The following DMWD variants were observed in gnomAD, a reference collection of about 807,000 sequenced individuals.
DMWD encodes the protein dystrophia myotonica WD repeat-containing protein.
DMWD carries 19 observed loss-of-function variants against 45.8 expected under a neutral mutation model. The observed-to-expected ratio is 0.41, with a 90% CI of 0.29 to 0.61. The LOEUF (loss-of-function observed/expected upper bound fraction) is 0.61. Among genes scored for constraint, DMWD ranks in the 20% least tolerant of loss-of-function variants. The pLI is 0.25. For synonymous variants in DMWD, 515 were observed against 440.5 expected, an observed-to-expected ratio of 1.17 and a Z score of -2.12; for missense variants, 802 against 965.2, an observed-to-expected ratio of 0.83 and a Z score of 2.24.
intron 2 of DMWD, among the ~76,000 whole-genome samples, chr19:45,788,672 T>C (rs902118002): frequency 6.6e-6 from 1 of 152,184 alleles, no homozygotes; most frequent in East Asian, 1.9e-4. Flanking sequence ...CTCACGCCTA[T>C]AATCCCAGCG....
At chr19:45,790,430 G>A (rs1970341580) in intron 2 of DMWD, 1 of 151,384 alleles carries the variant, frequency 6.6e-6, no homozygotes, top group South Asian at 2.1e-4. Flanking sequence ...GAGGTGGGCA[G>A]ATCACGAGGT....
intron 3 of DMWD, 26 bp downstream of exon 3, chr19:45,785,568 C>A: frequency 1.4e-6 from 2 of 1,451,260 alleles, no homozygotes; most frequent in South Asian, 1.5e-5. Flanking sequence ...GCCAGGTCCC[C>A]GGCAGGCTGG....
At position 45,792,726 on chromosome 19, in the gene DMWD, C is replaced by A; in HGVS notation, c.31G>T (p.Gly11Cys). Residue 11 changes from glycine to cysteine, a missense_variant, in exon 1 of 5, where the codon GGC becomes TGC. Physicochemically the swap from Gly to Cys is radical, Grantham distance 159. Coordinates refer to ENST00000270223, the MANE Select transcript of DMWD (RefSeq NM_004943.2). MAAGGAEGGS[G>C]PGAAMGDCAE... ...CAGTCCCCCATGGCGGCGCCGGGGCCCGAGCCGCCCTCCGCGCCGCCCGCC... is the reference window on the plus strand; with the variant it reads ...CAGTCCCCCATGGCGGCGCCGGGGCACGAGCCGCCCTCCGCGCCGCCCGCC... 1 of 1,175,726 alleles carries A rather than the reference C, an allele frequency of 8.5e-7. No individual in the cohort carries two copies. Among genetic ancestry groups the A allele is most frequent in the Non-Finnish European group, 1.1e-6 (1 of 944,214 alleles). The allele number at this position is 1,175,726 out of a possible 1,614,324, so 72.8% of individuals were successfully genotyped here.
At position 45,785,749 on chromosome 19, in the gene DMWD, G is replaced by A. The variant is rs1046884577; in HGVS notation, c.1747C>T (p.Leu583=). ...GGCACCTCGTGGATGCGCGGGCACA[G>A]CGCAGTGCCCAGCACCTTGGCGGGG... ...LDPAKVLGTA[L]CPRIHEVPLL... is the part of the protein sequence containing the mutation. Residue 583 remains leucine, a synonymous_variant, in exon 3 of 5, where the codon CTG becomes TTG. Coordinates refer to ENST00000270223, the MANE Select transcript of DMWD (RefSeq NM_004943.2). 2.5e-6 allele frequency: 4 copies of A among 1,610,602 alleles called. No individual in the cohort carries two copies. Among genetic ancestry groups the A allele is most frequent in the Non-Finnish European group, 3.4e-6 (4 of 1,178,430 alleles).
In DMWD at chr19:45,785,846, G is replaced by A. The variant is rs1970264422; in HGVS notation, c.1650C>T (p.Ser550=). 2 of 1,609,882 alleles carry A rather than the reference G, an allele frequency of 1.2e-6. No homozygotes were observed. The highest frequency in any genetic ancestry group is 2.2e-5 in the South Asian group (2 of 91,076). The change falls in exon 3 of 5, where the codon AGC becomes AGT. Residue 550 remains serine, a synonymous_variant. Transcript: ENST00000270223. Reference sequence around the variant, plus strand: ...TGCCACTGCCGCCACTGCCACCCCGGCTGATGTTGCCCAGGCTGTGGTAGC... The same window carrying A: ...TGCCACTGCCGCCACTGCCACCCCGACTGATGTTGCCCAGGCTGTGGTAGC... ...HKRYHSLGNI[S]RGGSGGSGSG...
At chr19:45,789,201 G>GAT (rs1353970983) in intron 2 of DMWD, 3 of 152,240 alleles carry the variant, frequency 2.0e-5, no homozygotes, top group African/African-American at 7.2e-5. Context: ...CCTGAGATGT[G>GAT]ATATCCCTAG....
Position 45,783,519 on chromosome 19 carries a change from C to G in DMWD, c.*724G>C. On this transcript the variant is annotated 3_prime_UTR_variant, in exon 5 of 5. Coordinates refer to ENST00000270223, the MANE Select transcript of DMWD (RefSeq NM_004943.2). ...AGGATGCTCTTCTCCCCAAGAGGGT[C>G]CTGCTCCAGCCGCTGGTGTGGGTCA... 1 of 398,606 alleles carries G rather than the reference C, an allele frequency of 2.5e-6. No homozygotes were observed. Among genetic ancestry groups the G allele is most frequent in the Non-Finnish European group, 4.4e-6 (1 of 226,098 alleles). 24.7% of individuals were successfully genotyped at this position (398,606 alleles called of 1,614,324 possible). A position where few individuals can be genotyped will look rare whatever the true frequency, so the allele number is the denominator to read the frequency against.
intron 3 of DMWD, 130 bp downstream of exon 3, chr19:45,785,464 T>G: frequency 7.2e-7 from 1 of 1,390,960 alleles, no homozygotes; most frequent in Non-Finnish European, 9.3e-7. Flanking sequence ...ACACTAAGAT[T>G]TCCCTGGCTT....
intron 1 of DMWD, among the ~76,000 whole-genome samples, chr19:45,792,028 C>T (rs1970361976): frequency 6.6e-6 from 1 of 152,150 alleles, no homozygotes; most frequent in African/African-American, 2.4e-5. Context: ...GGGATCCCAC[C>T]TCATCTCAGA....
rs541890137 is a variant in DMWD, at chr19:45,788,931, G to GA, written c.624+1973dup. ...ACGACAGAGTGAGACCCTATCTCAG[G>GA]AAAAAAAAAAAAAAAAATGCCCTTC... On this transcript the variant is annotated intron_variant, in intron 2 of 4. Coordinates refer to ENST00000270223, the MANE Select transcript of DMWD (RefSeq NM_004943.2). 5.3e-3 allele frequency among the ~76,000 whole-genome samples: 658 copies of GA among 123,016 alleles called. 3 individuals are homozygous for GA. Among genetic ancestry groups the GA allele is most frequent in the Middle Eastern group, 0.012 (3 of 252 alleles). The allele number at this position is 123,016 out of a possible 152,430, so 80.7% of individuals were successfully genotyped here. A position where few individuals can be genotyped will look rare whatever the true frequency, so the allele number is the denominator to read the frequency against.
intron 2 of DMWD, chr19:45,787,238 G>T (rs2146272730): frequency 3.2e-6 from 1 of 313,068 alleles, no homozygotes; most frequent in African/African-American, 2.2e-5. Context: ...ACCAGGCCAT[G>T]CAGCAGGAGG....
rs763519027 is a variant in DMWD, at chr19:45,786,410, A to G, written c.1086T>C (p.Ala362=). Residue 362 remains alanine, a synonymous_variant, in exon 3 of 5, where the codon GCT becomes GCC. Transcript: ENST00000270223. ...CCCAGGACTTGTGGCCATGGCCTCG[A>G]GCCACCACGCGGCCCTCGGTGAAGG... ...VWSFTEGRVV[A]RGHGHKSWVN... 1 of 1,613,352 alleles carries G rather than the reference A, an allele frequency of 6.2e-7. No individual in the cohort carries two copies. Among genetic ancestry groups the G allele is most frequent in the South Asian group, 1.1e-5 (1 of 91,064 alleles).
intron 1 of DMWD, among the ~76,000 whole-genome samples, chr19:45,791,546 G>A (rs1175406800): frequency 2.0e-5 from 3 of 152,018 alleles, no homozygotes; most frequent in African/African-American, 7.3e-5. Flanking sequence ...TCTTCACTTT[G>A]TAGTCCCTAA....
chr19:45,791,179 A>G, intron 1 of DMWD, 92 bp from the exon 2 acceptor site: 1 of 1,373,292 alleles, frequency 7.3e-7, no homozygotes, highest in African/African-American at 1.4e-5. Flanking sequence ...AAGAGGAAGC[A>G]GGGTTAGAAC....
chr19:45,792,647 G>C lies in DMWD; in HGVS notation c.110C>G (p.Pro37Arg). The C allele has an allele frequency of 7.5e-7, 1 of 1,335,502 alleles. No individual in the cohort carries two copies. The highest frequency in any genetic ancestry group is 9.7e-7 in the Non-Finnish European group (1 of 1,027,484). 82.7% of individuals were successfully genotyped at this position (1,335,502 alleles called of 1,614,324 possible). A position where few individuals can be genotyped will look rare whatever the true frequency, so the allele number is the denominator to read the frequency against. ...RTREGFYKLLPGDGAARRSGP... is the reference protein window; with the variant it reads ...RTREGFYKLLRGDGAARRSGP... Reference sequence around the variant, plus strand: ...CGACCTGCGAGCGGCGCCGTCGCCCGGGAGTAGCTTGTAGAAACCCTCGCG... The same window carrying C: ...CGACCTGCGAGCGGCGCCGTCGCCCCGGAGTAGCTTGTAGAAACCCTCGCG... Residue 37 changes from proline (P) to arginine (R), a missense_variant, in exon 1 of 5, where the codon CCG becomes CGG. By Grantham distance (103) the Pro-to-Arg change is moderately radical. This residue lies in a region of DMWD where 151 missense variants were observed against 128.1 expected (regional missense o/e 1.18). Coordinates refer to ENST00000270223, the MANE Select transcript of DMWD (RefSeq NM_004943.2).
intron 2 of DMWD, among the ~76,000 whole-genome samples, chr19:45,788,887 C>G (rs910349365): frequency 6.6e-6 from 1 of 151,348 alleles, no homozygotes; most frequent in African/African-American, 2.4e-5. Flanking sequence ...GAAGATCGTA[C>G]CACTGCACTC....
intron 4 of DMWD, 153 bp from the exon 5 acceptor site, chr19:45,784,443 C>G (rs1030224138): frequency 8.7e-6 from 11 of 1,259,158 alleles, no homozygotes; most frequent in East Asian, 2.5e-5. Flanking sequence ...GGCCACTGCT[C>G]TAGGCTGGGA....
intron 2 of DMWD, chr19:45,790,675 AAAG>A: frequency 2.5e-6 from 1 of 407,356 alleles, no homozygotes. Flanking sequence ...TAAAAGAAAG[AAAG>A]AAAGAAAGAA....
At position 45,786,179 on chromosome 19, in the gene DMWD, C is replaced by T. The variant is rs759194755; in HGVS notation, c.1317G>A (p.Gln439=). 6 of 1,602,350 alleles carry T rather than the reference C, an allele frequency of 3.7e-6. No individual in the cohort carries two copies. The highest frequency in any genetic ancestry group is 3.3e-5 in the South Asian group (3 of 89,704). ...CTTCAGTGAGGTCCCACAGGCAGAA[C>T]TGCGTGTCCTGGCCCGCCGAGCCAA... ...YRFGSAGQDT[Q]FCLWDLTEDV... The change falls in exon 3 of 5, where the codon CAG becomes CAA. Residue 439 remains glutamine (Q), a synonymous_variant. Transcript: ENST00000270223.
Sources: allele counts gnomAD v4.1 joint callset (sites outside exome capture counted in the v4.1 genomes callset), GRCh38; gene constraint gnomAD v4.1.1; regional missense constraint gnomAD v4.1.1; transcripts MANE v1.5; gene names NCBI Gene and HGNC (gene_info 2026-07-23, HGNC 2026-07-21).